MRPL18: variants seen among roughly 807,000 people sequenced by gnomAD.
MRPL18 encodes the protein large ribosomal subunit protein uL18m.
In MRPL18, 16 loss-of-function variants were observed where a neutral mutation model predicts 20.9. The ratio of observed to expected loss-of-function variants is 0.76; its 90% CI spans 0.52 to 1.16. The LOEUF (loss-of-function observed/expected upper bound fraction) is 1.16, where lower values mean the gene tolerates loss of function less well. MRPL18 is among the 50% of genes most tolerant of loss of function. MRPL18 has a pLI of 0.00. For missense variants in MRPL18, 233 were observed against 230.6 expected (o/e 1.01, Z -0.07); for synonymous variants, 91 against 87.1 (o/e 1.04, Z -0.25).
Position 159,790,591 on chromosome 6 carries a change from G to C in MRPL18, c.4G>C (p.Ala2Pro), listed in dbSNP as rs758325308. 6.3e-7 allele frequency: 1 copy of C among 1,590,356 alleles called. No individual in the cohort carries two copies. Among genetic ancestry groups the C allele is most frequent in the Non-Finnish European group, 8.5e-7 (1 of 1,170,796 alleles). The change falls in exon 1 of 4, where the codon GCG (alanine) becomes CCG (proline). Residue 2 changes from alanine to proline, a missense_variant. Ala to Pro is a conservative substitution (Grantham distance 27, BLOSUM62 -1). Transcript: ENST00000367034. M[A>P]LRSRFWGLFS... The stretch of plus-strand genomic sequence containing the variant: ...CTTTTCCGAGATCGTCTCAGCGATG[G>C]CGCTTCGGTCGCGGTTTTGGGGGTT...
chr6:159,794,457 G>T (rs979620745), intron 2 of MRPL18, among the ~76,000 whole-genome samples: 4 of 152,130 alleles, frequency 2.6e-5, no homozygotes, highest in African/African-American at 9.7e-5. Flanking sequence ...CGTTAAGACA[G>T]GCCTGGCATA....
At chr6:159,796,998 GCT>G (rs1487917090) in intron 2 of MRPL18, among the ~76,000 whole-genome samples, 2 of 129,928 alleles carry the variant, frequency 1.5e-5, no homozygotes, top group Non-Finnish European at 3.5e-5. Context: ...CAGTAACTTA[GCT>G]CTGTCTCTTC....
chr6:159,791,086 G>A lies in MRPL18; in HGVS notation c.199G>A (p.Gly67Ser). 6.2e-7 allele frequency: 1 copy of A among 1,614,208 alleles called. No homozygotes were observed. Among genetic ancestry groups the A allele is most frequent in the African/African-American group, 1.3e-5 (1 of 75,048 alleles). ...ELLSVARKER[G>S]WRTVFPSREF... ...TTTATCTGTAGCCAGGAAAGAGCGG[G>A]GCTGGCGGACGGTGTTTCCCTCCCG... Residue 67 changes from glycine (G) to serine (S), a missense_variant, in exon 2 of 4, where the codon GGC becomes AGC. Coordinates refer to ENST00000367034, the MANE Select transcript of MRPL18 (RefSeq NM_014161.5).
At chr6:159,797,984 A>G in intron 3 of MRPL18, 68 bp from the exon 4 acceptor site, 2 of 1,295,846 alleles carry the variant, frequency 1.5e-6, no homozygotes, top group Non-Finnish European at 2.2e-6. Context: ...TTGGAAGGTG[A>G]AAGTATTTTC....
At chr6:159,789,814 T>G, upstream of MRPL18, 1 of 378,470 alleles carries the variant, frequency 2.6e-6, no homozygotes, top group South Asian at 2.6e-5. Context: ...GTTGGACCGC[T>G]GGGAAGAGGT....
At position 159,798,110 on chromosome 6, in the gene MRPL18, G is replaced by T. The variant is rs776752686; in HGVS notation, c.530G>T (p.Arg177Ile). The change falls in exon 4 of 4, where the codon AGA (arginine) becomes ATA (isoleucine). Residue 177 changes from arginine to isoleucine, a missense_variant. By Grantham distance (97) the Arg-to-Ile change is moderately conservative. Coordinates refer to ENST00000367034, the MANE Select transcript of MRPL18 (RefSeq NM_014161.5). ...EGGVVLREPQ[R>I]IYE ...GGTGTGGTTCTACGGGAACCTCAGA[G>T]AATCTATGAATAAATGGAAGCATTA... 2 of 1,611,938 alleles carry T rather than the reference G, an allele frequency of 1.2e-6. No individual in the cohort carries two copies. The highest frequency in any genetic ancestry group is 1.7e-6 in the Non-Finnish European group (2 of 1,178,246).
Position 159,796,005 on chromosome 6 carries a change from G to A in MRPL18, c.240-1282G>A, listed in dbSNP as rs114603092. ...TCACTGTGTTGCCTGGGCTGGTCTT[G>A]AACTCCTTGGCTCTAGCAGTCCTCC... is the stretch of plus-strand genomic sequence containing the variant. On this transcript the variant is annotated intron_variant, in intron 2 of 3. Coordinates refer to ENST00000367034, the MANE Select transcript of MRPL18 (RefSeq NM_014161.5). 6.3e-3 allele frequency among the ~76,000 whole-genome samples: 951 copies of A among 152,070 alleles called. 11 individuals are homozygous for A. Among genetic ancestry groups the A allele is most frequent in the African/African-American group, 0.022 (917 of 41,476 alleles).
At chr6:159,795,967 T>G (rs531209259) in intron 2 of MRPL18, among the ~76,000 whole-genome samples, 1 of 152,088 alleles carries the variant, frequency 6.6e-6, no homozygotes, top group East Asian at 1.9e-4. Flanking sequence ...CTATTTTTTG[T>G]AGAGACAGAG....
chr6:159,794,100 A>C (rs1182114241), intron 2 of MRPL18, among the ~76,000 whole-genome samples: 3 of 152,248 alleles, frequency 2.0e-5, no homozygotes, highest in Non-Finnish European at 4.4e-5. Flanking sequence ...TATGTTATAA[A>C]ATCCAAAGGG....
chr6:159,797,378 G>A lies in MRPL18; in HGVS notation c.331G>A (p.Ala111Thr). 1.2e-6 allele frequency: 2 copies of A among 1,614,162 alleles called. No homozygotes were observed. Among genetic ancestry groups the A allele is most frequent in the African/African-American group, 2.7e-5 (2 of 75,026 alleles). Residue 111 changes from alanine (A) to threonine (T), a missense_variant, in exon 3 of 4, where the codon GCT (alanine) becomes ACT (threonine). By Grantham distance (58) the Ala-to-Thr change is moderately conservative (BLOSUM62 0). Coordinates refer to ENST00000367034, the MANE Select transcript of MRPL18 (RefSeq NM_014161.5). ...VVVSASTREW[A>T]IKKHLYSTRN... ...GGTTTCGGCCTCCACTCGTGAGTGG[G>A]CTATTAAAAAGCACCTTTATAGTAC... is the stretch of plus-strand genomic sequence containing the variant.
At chr6:159,796,523 C>T (rs1403202643) in intron 2 of MRPL18, among the ~76,000 whole-genome samples, 2 of 151,484 alleles carry the variant, frequency 1.3e-5, no homozygotes, top group Non-Finnish European at 2.9e-5. Context: ...CACAGTGGCT[C>T]ATGCCTGTAA....
intron 1 of MRPL18, 99 bp from the exon 2 acceptor site, chr6:159,790,841 A>G: frequency 6.7e-7 from 1 of 1,485,780 alleles, no homozygotes; most frequent in Non-Finnish European, 9.1e-7. Flanking sequence ...CCTCGGGCCT[A>G]AAGATTGGGG....
intron 2 of MRPL18, among the ~76,000 whole-genome samples, chr6:159,796,705 G>A (rs1781037472): frequency 6.6e-6 from 1 of 152,150 alleles, no homozygotes; most frequent in African/African-American, 2.4e-5. Flanking sequence ...GGTTGCTTGA[G>A]CCTAGGGGTT....
Position 159,797,421 on chromosome 6 carries a change from G to T in MRPL18, c.374G>T (p.Cys125Phe), listed in dbSNP as rs745362430. Reference sequence around the variant, plus strand: ...TATAGTACCAGAAATGTGGTGGCTTGTGAGAGTATAGGACGAGTGCTGGCA... The same window carrying T: ...TATAGTACCAGAAATGTGGTGGCTTTTGAGAGTATAGGACGAGTGCTGGCA... The part of the protein sequence containing the change: ...HLYSTRNVVA[C>F]ESIGRVLAQR... The change falls in exon 3 of 4, where the codon TGT (cysteine) becomes TTT (phenylalanine). Residue 125 changes from cysteine (C) to phenylalanine (F), a missense_variant. Transcript: ENST00000367034. The T allele has an allele frequency of 1.2e-6, 2 of 1,614,200 alleles. No homozygotes were observed. The highest frequency in any genetic ancestry group is 1.7e-6 in the Non-Finnish European group (2 of 1,180,032).
chr6:159,790,561 C>G lies in MRPL18; in HGVS notation c.-27C>G, dbSNP rs1780847146. On this transcript the variant is annotated 5_prime_UTR_variant, in exon 1 of 4. Transcript: ENST00000367034. ...TGAGTCGTCCGTGAGGAAAAAGAGG[C>G]GAGGCTTTTCCGAGATCGTCTCAGC... 1 of 1,614,014 alleles carries G rather than the reference C, an allele frequency of 6.2e-7. No homozygotes were observed. Among genetic ancestry groups the G allele is most frequent in the South Asian group, 1.1e-5 (1 of 91,064 alleles).
intron 2 of MRPL18, among the ~76,000 whole-genome samples, chr6:159,796,431 G>A (rs900891643): frequency 6.6e-6 from 1 of 150,434 alleles, no homozygotes; most frequent in African/African-American, 2.5e-5. Flanking sequence ...TGTGAGCCAA[G>A]TTCGTGCCTC....
chr6:159,791,956 G>C (rs1223530803), intron 2 of MRPL18, among the ~76,000 whole-genome samples: 3 of 152,174 alleles, frequency 2.0e-5, no homozygotes, highest in Non-Finnish European at 4.4e-5. Context: ...CTTGAAGAAA[G>C]ACCAGTTAGG....
Position 159,790,538 on chromosome 6 carries a change from AGTC to A in MRPL18, c.-46_-44del, listed in dbSNP as rs780616692. 1 of 1,613,396 alleles carries A rather than the reference AGTC, an allele frequency of 6.2e-7. No individual in the cohort carries two copies. The highest frequency in any genetic ancestry group is 1.1e-5 in the South Asian group (1 of 91,054). On this transcript the variant is annotated 5_prime_UTR_variant, in exon 1 of 4. Transcript: ENST00000367034. The stretch of plus-strand genomic sequence containing the variant: ...TATGGCTGCTCCTGGCGAGCGACTG[AGTC>A]GTCCGTGAGGAAAAAGAGGCGAGGC...
At chr6:159,790,813 C>T in intron 1 of MRPL18, 127 bp from the exon 2 acceptor site, 2 of 1,377,478 alleles carry the variant, frequency 1.5e-6, no homozygotes, top group South Asian at 1.3e-5. Context: ...ACCCTGTGGG[C>T]ATACGTATTT....
Sources: allele counts gnomAD v4.1 joint callset (sites outside exome capture counted in the v4.1 genomes callset), GRCh38; gene constraint gnomAD v4.1.1; transcripts MANE v1.5; gene names NCBI Gene and HGNC (gene_info 2026-07-23, HGNC 2026-07-21).